Variants in GTPBP10 observed in about 807,000 individuals in gnomAD.
The protein encoded by GTPBP10 is GTP-binding protein 10.
GTPBP10 carries 38 observed loss-of-function variants against 44.8 expected under a neutral mutation model. The observed-to-expected ratio is 0.85, with a 90% CI of 0.65 to 1.11. GTPBP10 has a LOEUF of 1.11. Ranked by LOEUF, GTPBP10 falls within the 50% of genes most tolerant of loss-of-function variation. The pLI is 0.00. For synonymous variants in GTPBP10, 152 were observed against 150.6 expected (o/e 1.01, Z -0.07); for missense variants, 462 against 453.7 (o/e 1.02, Z -0.17).
Position 90,385,861 on chromosome 7 carries a change from G to A in GTPBP10, c.*707G>A, listed in dbSNP as rs1287445036. 1 of 151,996 alleles carries A rather than the reference G, an allele frequency of 6.6e-6. No individual in the cohort carries two copies. Among genetic ancestry groups the A allele is most frequent in the Non-Finnish European group, 1.5e-5 (1 of 68,000 alleles). 9.4% of individuals were successfully genotyped at this position (151,996 alleles called of 1,614,324 possible). ...ACTTGAGGTCAGGAGTTCAAGACCA[G>A]CCTGGCCAACATGGCGAAACCCCGT... is the stretch of plus-strand genomic sequence containing the variant. On this transcript the variant is annotated 3_prime_UTR_variant, in exon 10 of 10. Coordinates refer to ENST00000222511, the MANE Select transcript of GTPBP10 (RefSeq NM_033107.4).
chr7:90,355,706 C>T (rs909204920), intron 4 of GTPBP10, among the ~76,000 whole-genome samples: 2 of 149,406 alleles, frequency 1.3e-5, no homozygotes, highest in African/African-American at 5.0e-5. Context: ...CTCAGACTTA[C>T]GCACTGTTGC....
intron 4 of GTPBP10, among the ~76,000 whole-genome samples, chr7:90,358,960 T>C (rs1418461923): frequency 6.6e-6 from 1 of 152,052 alleles, no homozygotes; most frequent in Non-Finnish European, 1.5e-5. Flanking sequence ...AAAGAAGATA[T>C]GCATACAAAT....
intron 1 of GTPBP10, among the ~76,000 whole-genome samples, chr7:90,350,108 T>TC (rs564616464): frequency 1.6e-3 from 240 of 152,124 alleles, no homozygotes; most frequent in Non-Finnish European, 2.8e-3. Flanking sequence ...TGTGTGATGT[T>TC]CCCCCCGTGT....
At chr7:90,359,747 C>T (rs1313934622) in intron 4 of GTPBP10, among the ~76,000 whole-genome samples, 1 of 152,214 alleles carries the variant, frequency 6.6e-6, no homozygotes, top group Non-Finnish European at 1.5e-5. Context: ...AACTAGTTTA[C>T]AGTCCCACCA....
At chr7:90,364,869 G>A (rs910452915) in intron 4 of GTPBP10, among the ~76,000 whole-genome samples, 11 of 152,138 alleles carry the variant, frequency 7.2e-5, no homozygotes, top group South Asian at 4.1e-4. Context: ...CTTGCAGTTC[G>A]ATCTCAGACT....
At chr7:90,358,788 AAAAG>A (rs1191303614) in intron 4 of GTPBP10, among the ~76,000 whole-genome samples, 8 of 152,226 alleles carry the variant, frequency 5.3e-5, no homozygotes, top group African/African-American at 1.2e-4. Flanking sequence ...TGTGCACAGC[AAAAG>A]AAAGAATCAA....
At chr7:90,367,111 T>G (rs1166150657) in intron 4 of GTPBP10, among the ~76,000 whole-genome samples, 1 of 152,250 alleles carries the variant, frequency 6.6e-6, no homozygotes, top group Non-Finnish European at 1.5e-5. Flanking sequence ...GCGAGTTTCT[T>G]AATCCTGAAT....
intron 9 of GTPBP10, among the ~76,000 whole-genome samples, chr7:90,383,536 A>G (rs1796468721): frequency 6.6e-6 from 1 of 152,230 alleles, no homozygotes; most frequent in African/African-American, 2.4e-5. Context: ...TAGGTTTCTG[A>G]AGAGGATGAG....
At chr7:90,380,774 A>G (rs1347344976) in intron 8 of GTPBP10, among the ~76,000 whole-genome samples, 3 of 152,174 alleles carry the variant, frequency 2.0e-5, no homozygotes, top group Non-Finnish European at 4.4e-5. Context: ...TCTTTGTTCC[A>G]TTTGACCAAC....
At chr7:90,353,061 ATT>A in intron 2 of GTPBP10, 52 bp downstream of exon 2, 3 of 1,187,074 alleles carry the variant, frequency 2.5e-6, no homozygotes, top group East Asian at 2.8e-5. Context: ...CCTTCTGGAA[ATT>A]TTTTTTTTAG....
intron 3 of GTPBP10, among the ~76,000 whole-genome samples, 191 bp from the exon 4 acceptor site, chr7:90,354,895 A>T (rs1248256604): frequency 6.6e-6 from 1 of 152,208 alleles, no homozygotes; most frequent in Non-Finnish European, 1.5e-5. Flanking sequence ...CTACTTATTA[A>T]TTATAGATTT....
intron 3 of GTPBP10, among the ~76,000 whole-genome samples, 180 bp from the exon 4 acceptor site, chr7:90,354,906 G>A (rs1224019024): frequency 1.3e-5 from 2 of 152,052 alleles, no homozygotes; most frequent in African/African-American, 4.8e-5. Context: ...TTATAGATTT[G>A]TAATTGAGAA....
intron 4 of GTPBP10, among the ~76,000 whole-genome samples, chr7:90,366,216 T>G (rs935681893): frequency 1.2e-4 from 18 of 152,100 alleles, no homozygotes; most frequent in Non-Finnish European, 2.6e-4. Flanking sequence ...GATATTGGCC[T>G]AGAATTCTCT....
At chr7:90,358,792 G>T (rs1239362893) in intron 4 of GTPBP10, among the ~76,000 whole-genome samples, 1 of 152,096 alleles carries the variant, frequency 6.6e-6, no homozygotes, top group African/African-American at 2.4e-5. Context: ...CACAGCAAAA[G>T]AAAGAATCAA....
In GTPBP10 at chr7:90,389,608, T is replaced by G. The variant is rs748099587; in HGVS notation, c.*4454T>G. ...CACCATGTTGGCCAGGATGGGAAAA[T>G]TTTTTAAAAGACATTTATTAAAAAA... On this transcript the variant is annotated 3_prime_UTR_variant, in exon 10 of 10. Transcript: ENST00000222511. 6.6e-6 allele frequency: 1 copy of G among 151,916 alleles called. No individual in the cohort carries two copies. Among genetic ancestry groups the G allele is most frequent in the African/African-American group, 2.4e-5 (1 of 41,344 alleles). The allele number at this position is 151,916 out of a possible 1,614,324, so 9.4% of individuals were successfully genotyped here.
chr7:90,346,865 CG>C, intron 1 of GTPBP10, 91 bp downstream of exon 1: 1 of 1,414,524 alleles, frequency 7.1e-7, no homozygotes, highest in Non-Finnish European at 1.0e-6. Context: ...GTCTTCGTGG[CG>C]GCCTTTTCCT....
intron 6 of GTPBP10, among the ~76,000 whole-genome samples, chr7:90,376,524 A>G (rs900455224): frequency 2.6e-5 from 4 of 152,078 alleles, no homozygotes; most frequent in Admixed American, 2.6e-4. Context: ...AGATGATAGA[A>G]CTCTGCTCCT....
intron 4 of GTPBP10, among the ~76,000 whole-genome samples, chr7:90,364,594 G>A (rs1796094356): frequency 6.6e-6 from 1 of 152,224 alleles, no homozygotes; most frequent in African/African-American, 2.4e-5. Context: ...CCCACTTGAG[G>A]AGGCAGTCTG....
intron 4 of GTPBP10, among the ~76,000 whole-genome samples, chr7:90,368,432 A>G (rs192255966): frequency 2.0e-5 from 3 of 152,196 alleles, no homozygotes; most frequent in Admixed American, 6.5e-5. Flanking sequence ...CTAATCAGAC[A>G]TAGATTTGGT....
Sources: allele counts gnomAD v4.1 joint callset (sites outside exome capture counted in the v4.1 genomes callset), GRCh38; gene constraint gnomAD v4.1.1; transcripts MANE v1.5; gene names NCBI Gene and HGNC (gene_info 2026-07-23, HGNC 2026-07-21).